Variants in MSRA observed in about 807,000 individuals in gnomAD.
The protein encoded by MSRA is mitochondrial peptide methionine sulfoxide reductase.
A neutral mutation model predicts 31.3 loss-of-function variants in MSRA; 54 were observed. The ratio of observed to expected loss-of-function variants is 1.73; its 90% CI spans 1.39 to 2.17. The LOEUF (loss-of-function observed/expected upper bound fraction) is 2.17. Among genes scored for constraint, MSRA ranks in the 30% most tolerant of loss-of-function variants. MSRA has a pLI of 0.00. For synonymous variants in MSRA, 169 were observed against 116.5 expected (o/e 1.45, Z -2.90); for missense variants, 507 against 300.9 (o/e 1.69, Z -5.07).
intron 5 of MSRA, among the ~76,000 whole-genome samples, chr8:10,404,371 C>T (rs1449336622): frequency 1.3e-5 from 2 of 152,230 alleles, no homozygotes; most frequent in Admixed American, 6.5e-5. Flanking sequence ...AAGCTTGCTG[C>T]CAGGGAGGCA....
At chr8:10,350,297 C>CA (rs1380538001) in intron 5 of MSRA, among the ~76,000 whole-genome samples, 1 of 152,244 alleles carries the variant, frequency 6.6e-6, no homozygotes, top group Non-Finnish European at 1.5e-5. Flanking sequence ...GTTTTATACT[C>CA]ACAGCGCTTC....
At chr8:10,240,383 C>T (rs544759158) in intron 2 of MSRA, among the ~76,000 whole-genome samples, 3 of 152,118 alleles carry the variant, frequency 2.0e-5, no homozygotes, top group Non-Finnish European at 4.4e-5. Context: ...GTGGCCAGTT[C>T]GTTCCTGCAT....
chr8:10,233,146 A>G (rs1198751300), intron 2 of MSRA, among the ~76,000 whole-genome samples: 1 of 152,180 alleles, frequency 6.6e-6, no homozygotes, highest in Non-Finnish European at 1.5e-5. Flanking sequence ...GGTACCTTTT[A>G]TGCTTTAGTC....
chr8:10,106,747 C>T (rs1799907594), intron 1 of MSRA, among the ~76,000 whole-genome samples: 1 of 152,190 alleles, frequency 6.6e-6, no homozygotes, highest in Non-Finnish European at 1.5e-5. Context: ...TAAGTTGGTG[C>T]TTTTATGGTA....
At chr8:10,115,520 C>G (rs1192207054) in intron 1 of MSRA, among the ~76,000 whole-genome samples, 1 of 152,240 alleles carries the variant, frequency 6.6e-6, no homozygotes, top group Non-Finnish European at 1.5e-5. Flanking sequence ...AAATCAATTT[C>G]TGTGTCTAAG....
chr8:10,287,479 G>C (rs1799996995), intron 3 of MSRA, among the ~76,000 whole-genome samples: 1 of 152,158 alleles, frequency 6.6e-6, no homozygotes, highest in South Asian at 2.1e-4. Flanking sequence ...AGAGTAACCA[G>C]GAATCTCAAG....
At position 10,157,007 on chromosome 8, in the gene MSRA, A is replaced by ACATTACCAG. The variant is rs369465365; in HGVS notation, c.143-50825_143-50817dup. ...GTCTTCTCCATTCTTCATCATCCCC[A>ACATTACCAG]CATTACCAGGAGGAGACAGGCTCAG... On this transcript the variant is annotated intron_variant, in intron 1 of 5. Transcript: ENST00000317173. Among the ~76,000 whole-genome samples, 6 of 151,470 alleles carry ACATTACCAG rather than the reference A, an allele frequency of 4.0e-5. No individual in the cohort carries two copies. In the East Asian group the frequency reaches 1.2e-3, roughly 30 times the overall value.
chr8:10,144,448 C>G (rs376927531), intron 1 of MSRA, among the ~76,000 whole-genome samples: 1 of 152,134 alleles, frequency 6.6e-6, no homozygotes, highest in Non-Finnish European at 1.5e-5. Flanking sequence ...ATTTGTGAAG[C>G]GCTTAGACTG....
At chr8:10,282,687 T>C (rs1278342156) in intron 3 of MSRA, among the ~76,000 whole-genome samples, 3 of 152,168 alleles carry the variant, frequency 2.0e-5, no homozygotes, top group Non-Finnish European at 4.4e-5. Context: ...GATGCCCTTG[T>C]ATTCAGTATA....
chr8:10,067,824 G>A (rs56668047), intron 1 of MSRA, among the ~76,000 whole-genome samples: 8,924 of 143,164 alleles, frequency 0.062, 868 homozygotes, highest in African/African-American at 0.21. Context: ...TTGGTGATGT[G>A]TCTGTTCAAA....
intron 1 of MSRA, among the ~76,000 whole-genome samples, chr8:10,056,824 A>G (rs1162915320): frequency 6.6e-6 from 1 of 152,028 alleles, no homozygotes; most frequent in Admixed American, 6.5e-5. Flanking sequence ...CCTTCTCTAT[A>G]TTACCTCCAT....
At chr8:10,220,614 A>G (rs1415005085) in intron 2 of MSRA, among the ~76,000 whole-genome samples, 2 of 152,058 alleles carry the variant, frequency 1.3e-5, no homozygotes, top group Non-Finnish European at 2.9e-5. Context: ...TTATGTGATG[A>G]CCCTTTTCCA....
At chr8:10,123,947 C>G (rs1033521794) in intron 1 of MSRA, among the ~76,000 whole-genome samples, 3 of 151,672 alleles carry the variant, frequency 2.0e-5, no homozygotes, top group Non-Finnish European at 2.9e-5. Context: ...TCACTGCAGC[C>G]TCAAGTGGAA....
At chr8:10,249,758 T>C (rs1424635510) in intron 3 of MSRA, among the ~76,000 whole-genome samples, 1 of 152,154 alleles carries the variant, frequency 6.6e-6, no homozygotes, top group Admixed American at 6.5e-5. Flanking sequence ...TGCTGAGAAG[T>C]AATTCATGTC....
intron 3 of MSRA, among the ~76,000 whole-genome samples, chr8:10,270,686 G>A (rs1262114257): frequency 6.6e-6 from 1 of 152,178 alleles, no homozygotes. Context: ...TGTACCTGAG[G>A]TTCTGTGATT....
intron 5 of MSRA, among the ~76,000 whole-genome samples, chr8:10,399,325 C>T (rs749110334): frequency 6.6e-6 from 1 of 152,126 alleles, no homozygotes; most frequent in Non-Finnish European, 1.5e-5. Flanking sequence ...TTGTCTCCTC[C>T]AAAACTCATG....
rs533567817 is a variant in MSRA at position 10,174,846 on chromosome 8, C to T, written c.143-32987C>T. On this transcript the variant is annotated intron_variant, in intron 1 of 5. Transcript: ENST00000317173. ...TGTCAAAAAACAAACTCTTCACTTT[C>T]ATCTCTTCAAATGGCATTTTATTCT... 3.3e-5 allele frequency among the ~76,000 whole-genome samples: 5 copies of T among 152,310 alleles called. No homozygotes were observed. The East Asian group carries it at 9.6e-4, about 29-fold the overall frequency.
intron 4 of MSRA, among the ~76,000 whole-genome samples, chr8:10,311,164 T>A (rs1801412144): frequency 6.6e-6 from 1 of 152,176 alleles, no homozygotes; most frequent in Non-Finnish European, 1.5e-5. Flanking sequence ...GTTCCAGGAA[T>A]GGCAGGCTGA....
chr8:10,100,582 T>C (rs1799468444), intron 1 of MSRA, among the ~76,000 whole-genome samples: 1 of 151,866 alleles, frequency 6.6e-6, no homozygotes, highest in East Asian at 1.9e-4. Flanking sequence ...CAGGGGAGGA[T>C]GAGTAAGTAG....
Sources: gnomAD v4.1 joint callset for allele counts (sites outside exome capture counted in the v4.1 genomes callset) on GRCh38, gnomAD v4.1.1 for gene constraint, MANE v1.5 for transcripts, NCBI Gene and HGNC (gene_info 2026-07-23, HGNC 2026-07-21) for gene names.